ENTHD1: variants seen among roughly 807,000 people sequenced by gnomAD.
ENTHD1 encodes ENTH domain-containing protein 1.
A neutral mutation model predicts 39.1 loss-of-function variants in ENTHD1; 23 were observed. The observed-to-expected ratio is 0.59, with a 90% CI of 0.42 to 0.83. ENTHD1 has a LOEUF of 0.83. Ranked by LOEUF, ENTHD1 falls within the 40% of genes least tolerant of loss-of-function variation. The pLI is 0.00. For missense variants in ENTHD1, 624 were observed against 705.4 expected, an observed-to-expected ratio of 0.88 and a Z score of 1.31; for synonymous variants, 230 against 258.2, an observed-to-expected ratio of 0.89 and a Z score of 1.05.
rs543368128 is a variant in ENTHD1, at chr22:39,771,494, C to CA, written c.833-5886dup. Among the ~76,000 whole-genome samples the CA allele has an allele frequency of 2.4e-4, 37 of 151,780 alleles. No individual in the cohort carries two copies. The South Asian group carries it at 5.8e-3, about 24-fold the overall frequency. On this transcript the variant is annotated intron_variant, in intron 5 of 6. Transcript: ENST00000325157. ...GGTTAAAAAACAAAACAAAACAAAA[C>CA]AAACAAACAAAAAAACTCAGAGAAA...
At chr22:39,865,749 C>T (rs1002481031) in intron 2 of ENTHD1, among the ~76,000 whole-genome samples, 1 of 152,162 alleles carries the variant, frequency 6.6e-6, no homozygotes, top group African/African-American at 2.4e-5. Flanking sequence ...AAGCTATATA[C>T]AGTTTTAATT....
chr22:39,826,993 G>A (rs537529888), intron 4 of ENTHD1, among the ~76,000 whole-genome samples: 2 of 151,334 alleles, frequency 1.3e-5, no homozygotes, highest in Admixed American at 6.6e-5. Flanking sequence ...GACTATAAGC[G>A]CATGCCACCA....
intron 2 of ENTHD1, chr22:39,875,174 T>C (rs2066277524): frequency 5.2e-6 from 3 of 571,728 alleles, no homozygotes; most frequent in Non-Finnish European, 7.6e-6. Flanking sequence ...CATAACAATA[T>C]GGATGACTCT....
At chr22:39,882,221 A>G (rs955486479) in intron 2 of ENTHD1, among the ~76,000 whole-genome samples, 2 of 152,192 alleles carry the variant, frequency 1.3e-5, no homozygotes, top group Non-Finnish European at 2.9e-5. Flanking sequence ...TTAAAATGAG[A>G]CATATAAAAT....
chr22:39,868,396 G>GA (rs949286368), intron 2 of ENTHD1, among the ~76,000 whole-genome samples: 8 of 149,908 alleles, frequency 5.3e-5, no homozygotes, highest in South Asian at 2.1e-4. Flanking sequence ...GTGGTTGTGG[G>GA]AAAAAATCTC....
At chr22:39,881,151 T>G (rs2066334339) in intron 2 of ENTHD1, among the ~76,000 whole-genome samples, 1 of 152,222 alleles carries the variant, frequency 6.6e-6, no homozygotes, top group South Asian at 2.1e-4. Flanking sequence ...ATAGAACAAA[T>G]TTATTTTTAA....
chr22:39,766,019 C>CAGAAA (rs2065273901), intron 5 of ENTHD1, among the ~76,000 whole-genome samples: 1 of 48,340 alleles, frequency 2.1e-5, no homozygotes, highest in Non-Finnish European at 3.7e-5. Flanking sequence ...CCCTCAGCTA[C>CAGAAA]AAAAAAAAAA....
chr22:39,758,576 C>T (rs1326967478), intron 6 of ENTHD1, among the ~76,000 whole-genome samples: 1 of 152,100 alleles, frequency 6.6e-6, no homozygotes, highest in African/African-American at 2.4e-5. Flanking sequence ...AGGCGCATGC[C>T]ACCATGCCTG....
intron 3 of ENTHD1, among the ~76,000 whole-genome samples, chr22:39,851,934 G>A (rs1030842070): frequency 1.3e-5 from 2 of 152,194 alleles, no homozygotes; most frequent in Admixed American, 6.5e-5. Flanking sequence ...CTCATTGCCT[G>A]AAGGAGACCT....
chr22:39,771,137 T>C (rs532730688), intron 5 of ENTHD1, among the ~76,000 whole-genome samples: 2 of 152,332 alleles, frequency 1.3e-5, no homozygotes, highest in African/African-American at 4.8e-5. Context: ...TATTAAATTC[T>C]GTGTATTGTA....
chr22:39,764,283 G>A (rs1275719429), intron 6 of ENTHD1, among the ~76,000 whole-genome samples: 1 of 151,946 alleles, frequency 6.6e-6, no homozygotes, highest in Non-Finnish European at 1.5e-5. Context: ...AGACCAACCT[G>A]GGCAACATAG....
At chr22:39,801,275 C>A (rs1461344336) in intron 5 of ENTHD1, among the ~76,000 whole-genome samples, 1 of 152,234 alleles carries the variant, frequency 6.6e-6, no homozygotes, top group East Asian at 1.9e-4. Flanking sequence ...AGAGCCATGG[C>A]TGAGCTCTGT....
rs1301847311 is a variant in ENTHD1, at chr22:39,891,809, G to A, written c.-156+1886C>T. 3.3e-5 allele frequency among the ~76,000 whole-genome samples: 5 copies of A among 151,744 alleles called. No homozygotes were observed. The South Asian group carries it at 8.4e-4, about 25-fold the overall frequency. On this transcript the variant is annotated intron_variant, in intron 1 of 6. Coordinates refer to ENST00000325157, the MANE Select transcript of ENTHD1 (RefSeq NM_152512.4). ...AATTTTTTGTATTTTTAGTAGAGAC[G>A]GGGTTTCACCATATTGACCAGGGTG...
chr22:39,759,926 G>C (rs570603406), intron 6 of ENTHD1, among the ~76,000 whole-genome samples: 33 of 152,052 alleles, frequency 2.2e-4, no homozygotes, highest in African/African-American at 7.2e-4. Flanking sequence ...GCTGTGGCCA[G>C]AGACCATACT....
chr22:39,783,572 G>C (rs989163401), intron 5 of ENTHD1, among the ~76,000 whole-genome samples: 3 of 152,066 alleles, frequency 2.0e-5, no homozygotes, highest in Non-Finnish European at 2.9e-5. Flanking sequence ...GAACAGAATA[G>C]AGAACCCAGA....
chr22:39,815,420 G>A (rs112895377), intron 5 of ENTHD1, among the ~76,000 whole-genome samples: 5 of 151,278 alleles, frequency 3.3e-5, no homozygotes, highest in African/African-American at 1.2e-4. Flanking sequence ...TCCAGCCTGG[G>A]CAACAAGAGT....
intron 2 of ENTHD1, among the ~76,000 whole-genome samples, chr22:39,863,551 A>G (rs1695967656): frequency 6.6e-6 from 1 of 152,206 alleles, no homozygotes; most frequent in Non-Finnish European, 1.5e-5. Flanking sequence ...TGTAACCTAT[A>G]ACTCACTCGA....
chr22:39,841,447 T>C (rs1170978668), intron 3 of ENTHD1, among the ~76,000 whole-genome samples: 2 of 151,766 alleles, frequency 1.3e-5, no homozygotes, highest in Non-Finnish European at 2.9e-5. Flanking sequence ...ATATTTAGGA[T>C]AGTTAGCTCT....
chr22:39,834,089 G>A lies in ENTHD1; in HGVS notation c.711+1751C>T, dbSNP rs143087638. On this transcript the variant is annotated intron_variant, in intron 4 of 6. Transcript: ENST00000325157. ...CTGTGTGACATTGTTTAGGCAAAGA[G>A]TTCTTAGATATGACACCAAATGCAT... Among the ~76,000 whole-genome samples the A allele has an allele frequency of 2.2e-3, 332 of 152,172 alleles. 3 individuals carry two copies. Among genetic ancestry groups the A allele is most frequent in the African/African-American group, 7.6e-3 (314 of 41,548 alleles).
Sources: allele counts gnomAD v4.1 joint callset (sites outside exome capture counted in the v4.1 genomes callset), GRCh38; gene constraint gnomAD v4.1.1; transcripts MANE v1.5; gene names NCBI Gene and HGNC (gene_info 2026-07-23, HGNC 2026-07-21).